NCOA1: variants seen among roughly 807,000 people sequenced by gnomAD.
NCOA1 encodes the protein Hin-2 protein.
A neutral mutation model predicts 150.9 loss-of-function variants in NCOA1; 35 were observed. The ratio of observed to expected loss-of-function variants is 0.23; its 90% CI spans 0.18 to 0.31. The LOEUF (loss-of-function observed/expected upper bound fraction) is 0.31. NCOA1 is among the 10% of genes least tolerant of loss of function. The pLI is 1.00. For missense variants in NCOA1, 1,491 were observed against 1,749.3 expected, an observed-to-expected ratio of 0.85 and a Z score of 2.63; for synonymous variants, 590 against 630.0, an observed-to-expected ratio of 0.94 and a Z score of 0.95.
intron 1 of NCOA1, among the ~76,000 whole-genome samples, chr2:24,531,515 G>C (rs1450813150): frequency 1.3e-5 from 2 of 152,116 alleles, no homozygotes; most frequent in African/African-American, 4.8e-5. Flanking sequence ...GTGCAGGTTT[G>C]TTACATAGGT....
chr2:24,543,545 CAG>C (rs1224423179), intron 1 of NCOA1, among the ~76,000 whole-genome samples: 1 of 151,972 alleles, frequency 6.6e-6, no homozygotes, highest in Non-Finnish European at 1.5e-5. Flanking sequence ...ACAAAATAAA[CAG>C]ATACTACAAT....
intron 4 of NCOA1, among the ~76,000 whole-genome samples, chr2:24,657,318 G>T (rs1280329138): frequency 6.6e-6 from 1 of 152,176 alleles, no homozygotes; most frequent in Non-Finnish European, 1.5e-5. Context: ...CTACAATTAG[G>T]TATTTGGTTC....
intron 3 of NCOA1, among the ~76,000 whole-genome samples, chr2:24,622,058 T>C (rs1669192218): frequency 6.6e-6 from 1 of 152,204 alleles, no homozygotes; most frequent in Non-Finnish European, 1.5e-5. Flanking sequence ...TCCACTTACA[T>C]ATCCAGCAAA....
intron 3 of NCOA1, among the ~76,000 whole-genome samples, chr2:24,619,553 G>A (rs932210874): frequency 6.6e-6 from 1 of 152,182 alleles, no homozygotes. Flanking sequence ...GATCAAAGGG[G>A]TCCAGACCCA....
At chr2:24,734,819 A>G (rs2148652741) in intron 17 of NCOA1, among the ~76,000 whole-genome samples, 1 of 152,242 alleles carries the variant, frequency 6.6e-6, no homozygotes, top group South Asian at 2.1e-4. Context: ...AAAAAAATTA[A>G]AACAGTGTGG....
chr2:24,557,166 G>A (rs569443522), intron 1 of NCOA1, among the ~76,000 whole-genome samples: 3 of 45,160 alleles, frequency 6.6e-5, no homozygotes, highest in South Asian at 7.7e-4. Context: ...GGGTAGCAAC[G>A]GTGGGTTGGG....
Position 24,661,546 on chromosome 2 carries a change from C to T in NCOA1, c.89+2780C>T, listed in dbSNP as rs117627260. Among the ~76,000 whole-genome samples, 275 of 152,106 alleles carry T rather than the reference C, an allele frequency of 1.8e-3. 1 individual carries two copies. The highest frequency in any genetic ancestry group is 0.017 in the East Asian group (90 of 5,188). ...TTTAGGGTCTTGTTTAATAATTTTTCTTCTACTCTAAGGTTTTAAATGTAT... is the reference window on the plus strand; with the variant it reads ...TTTAGGGTCTTGTTTAATAATTTTTTTTCTACTCTAAGGTTTTAAATGTAT... On this transcript the variant is annotated intron_variant, in intron 5 of 22. Transcript: ENST00000348332.
chr2:24,598,777 CATT>C (rs752889123), intron 3 of NCOA1, among the ~76,000 whole-genome samples: 3 of 151,718 alleles, frequency 2.0e-5, no homozygotes, highest in Non-Finnish European at 4.4e-5. Flanking sequence ...AATTTTAAGA[CATT>C]ATTTTAGATT....
Position 24,682,627 on chromosome 2 carries a change from T to G in NCOA1, c.355-324T>G, listed in dbSNP as rs55844844. Among the ~76,000 whole-genome samples the G allele has an allele frequency of 5.8e-4, 88 of 152,302 alleles. 1 individual carries two copies. Among genetic ancestry groups the G allele is most frequent in the African/African-American group, 2.0e-3 (83 of 41,564 alleles). ...TATGCTCTCTCCACTTCCTGGAATG[T>G]TCTTCCTTCAATCCTCTTCCTCCCC... On this transcript the variant is annotated intron_variant, in intron 7 of 22. Transcript: ENST00000348332.
rs535819977 is a variant in NCOA1, at chr2:24,531,677, G to A, written c.-395-32618G>A. ...TGTGTCCAAGTGTTCTCATTGTTCA[G>A]TTCCCACCTGTGAATGAGAACATAC... On this transcript the variant is annotated intron_variant, in intron 1 of 22. Transcript: ENST00000348332. 2.6e-5 allele frequency among the ~76,000 whole-genome samples: 4 copies of A among 152,218 alleles called. No individual in the cohort carries two copies. The East Asian group carries it at 7.7e-4, about 29-fold the overall frequency.
rs746359303 is a variant in NCOA1, at chr2:24,693,353, A to G, written c.808+6A>G. 9 of 1,608,054 alleles carry G rather than the reference A, an allele frequency of 5.6e-6. No individual in the cohort carries two copies. The South Asian group carries it at 7.7e-5, about 14-fold the overall frequency. ...GACCAAGCAAGATACTACAGGTACTAATTGTAAAGTTCAGAATGTTCCATA... is the reference window on the plus strand; with the variant it reads ...GACCAAGCAAGATACTACAGGTACTGATTGTAAAGTTCAGAATGTTCCATA... On this transcript the variant is annotated splice_donor_region_variant and intron_variant, in intron 10 of 22. Coordinates refer to ENST00000348332, the MANE Select transcript of NCOA1 (RefSeq NM_003743.5).
At chr2:24,694,419 T>G (rs1009387797) in intron 10 of NCOA1, among the ~76,000 whole-genome samples, 3 of 152,200 alleles carry the variant, frequency 2.0e-5, no homozygotes, top group Admixed American at 1.3e-4. Flanking sequence ...ATTTTATGCT[T>G]TGTGAAAGTT....
rs1245635457 is a variant in NCOA1, at chr2:24,768,783, C to A, written c.*392C>A. The A allele has an allele frequency of 8.8e-6, 2 of 226,958 alleles. No individual in the cohort carries two copies. Among genetic ancestry groups the A allele is most frequent in the Non-Finnish European group, 8.8e-6 (1 of 114,064 alleles). 14.1% of individuals were successfully genotyped at this position (226,958 alleles called of 1,614,324 possible). The stretch of plus-strand genomic sequence containing the variant: ...TCCGCCTCCGCCGCTTAGTCCCAAC[C>A]CTGCCCAGGAAGAAGGGCCCGTGGG... On this transcript the variant is annotated 3_prime_UTR_variant, in exon 23 of 23. Coordinates refer to ENST00000348332, the MANE Select transcript of NCOA1 (RefSeq NM_003743.5).
intron 3 of NCOA1, among the ~76,000 whole-genome samples, chr2:24,620,390 G>A (rs1450642267): frequency 6.6e-6 from 1 of 152,134 alleles, no homozygotes; most frequent in Admixed American, 6.5e-5. Flanking sequence ...GATCACCTGA[G>A]GTCAGGAGTT....
chr2:24,578,694 C>T (rs967960123), intron 2 of NCOA1, among the ~76,000 whole-genome samples: 1 of 151,938 alleles, frequency 6.6e-6, no homozygotes, highest in Middle Eastern at 3.2e-3. Flanking sequence ...TGGAATAACT[C>T]ATTTGAGAGG....
intron 3 of NCOA1, among the ~76,000 whole-genome samples, chr2:24,599,041 A>G (rs940200898): frequency 6.6e-6 from 1 of 152,224 alleles, no homozygotes; most frequent in Non-Finnish European, 1.5e-5. Flanking sequence ...GACTTCTCAG[A>G]GACTGCTGAG....
intron 3 of NCOA1, among the ~76,000 whole-genome samples, chr2:24,592,247 T>C (rs916615746): frequency 8.5e-5 from 13 of 152,332 alleles, no homozygotes; most frequent in Middle Eastern, 3.4e-3. Flanking sequence ...CATATACTTA[T>C]TAAGCAACCT....
At chr2:24,639,692 G>A (rs1670091300) in intron 3 of NCOA1, among the ~76,000 whole-genome samples, 1 of 151,350 alleles carries the variant, frequency 6.6e-6, no homozygotes, top group Admixed American at 6.6e-5. Flanking sequence ...TTCAAGACCA[G>A]CCTGACCAAC....
At position 24,707,384 on chromosome 2, in the gene NCOA1, A is replaced by G. The variant is rs1293809028; in HGVS notation, c.1914A>G (p.Thr638=). ...QTSHKLVQLL[T]TTAEQQLRHA... ...GTCACAAACTAGTGCAGCTTTTGAC[A>G]ACAACTGCCGAACAGCAGTTACGGC... Residue 638 remains threonine, a synonymous_variant, in exon 13 of 23, where the codon ACA becomes ACG. Coordinates refer to ENST00000348332, the MANE Select transcript of NCOA1 (RefSeq NM_003743.5). 6.2e-7 allele frequency: 1 copy of G among 1,614,210 alleles called. No individual in the cohort carries two copies. Among genetic ancestry groups the G allele is most frequent in the Admixed American group, 1.7e-5 (1 of 60,026 alleles).
Sources: allele counts gnomAD v4.1 joint callset (sites outside exome capture counted in the v4.1 genomes callset), GRCh38; gene constraint gnomAD v4.1.1; transcripts MANE v1.5; gene names NCBI Gene and HGNC (gene_info 2026-07-23, HGNC 2026-07-21).